The following ADAMTS19 variants were observed in gnomAD, a reference collection of about 807,000 sequenced individuals.
ADAMTS19 encodes ADAM metallopeptidase with thrombospondin type 1 motif 19, also known as A disintegrin and metalloproteinase with thrombospondin motifs 19.
In ADAMTS19, 93 loss-of-function variants were observed where a neutral mutation model predicts 153.3. The ratio of observed to expected loss-of-function variants is 0.61; its 90% confidence interval spans 0.51 to 0.72. The LOEUF is 0.72. Among genes scored for constraint, ADAMTS19 ranks in the 30% least tolerant of loss-of-function variants. The pLI is 0.00. For synonymous variants in ADAMTS19, 600 were observed against 556.6 expected (o/e 1.08, Z -1.10); for missense variants, 1,482 against 1,552.1 (o/e 0.95, Z 0.76).
chr5:129,514,564 C>A (rs1408909784), intron 3 of ADAMTS19, among the ~76,000 whole-genome samples: 1 of 151,716 alleles, frequency 6.6e-6, no homozygotes, highest in Admixed American at 6.6e-5. Flanking sequence ...TTTTCATGTG[C>A]CTATTTGCCA....
At chr5:129,706,103 G>C (rs959870088) in intron 21 of ADAMTS19, among the ~76,000 whole-genome samples, 2 of 152,166 alleles carry the variant, frequency 1.3e-5, no homozygotes, top group African/African-American at 4.8e-5. Flanking sequence ...CTAGCAGCAA[G>C]AGGGCAGGGA....
chr5:129,658,377 G>GAGAGAGAGAGAGAGAGAGAGAGAAA (rs1318590344), intron 14 of ADAMTS19, among the ~76,000 whole-genome samples: 1 of 148,214 alleles, frequency 6.7e-6, no homozygotes, highest in African/African-American at 2.6e-5. Flanking sequence ...AAGAGAGAGA[G>GAGAGAGAGAGAGAGAGAGAGAGAAA]GAAGGAAGGA....
At chr5:129,727,277 A>C (rs1757246028) in intron 21 of ADAMTS19, among the ~76,000 whole-genome samples, 1 of 152,184 alleles carries the variant, frequency 6.6e-6, no homozygotes, top group African/African-American at 2.4e-5. Context: ...AAAAATTATT[A>C]TCAGCAACTT....
chr5:129,507,244 A>G (rs1197539291), intron 2 of ADAMTS19, among the ~76,000 whole-genome samples: 1 of 152,012 alleles, frequency 6.6e-6, no homozygotes. Context: ...TTGAAAACTT[A>G]ATGACTCTCA....
At chr5:129,460,790 C>CAT (rs1479010139) in intron 1 of ADAMTS19, 2 of 519,472 alleles carry the variant, frequency 3.9e-6, no homozygotes, top group Non-Finnish European at 6.8e-6. Flanking sequence ...TCTGCTCTAG[C>CAT]ATACACTTCA....
intron 7 of ADAMTS19, among the ~76,000 whole-genome samples, chr5:129,587,364 T>G (rs1749866181): frequency 6.6e-6 from 1 of 152,076 alleles, no homozygotes; most frequent in African/African-American, 2.4e-5. Context: ...ATCTGCTAAC[T>G]GCTATATTTG....
chr5:129,540,146 C>T (rs1386969245), intron 6 of ADAMTS19, among the ~76,000 whole-genome samples: 2 of 151,996 alleles, frequency 1.3e-5, no homozygotes, highest in Non-Finnish European at 2.9e-5. Context: ...AACTCAGAAC[C>T]AGGCTCAGTT....
intron 2 of ADAMTS19, among the ~76,000 whole-genome samples, chr5:129,500,012 G>A (rs1006354783): frequency 2.6e-5 from 4 of 152,136 alleles, no homozygotes; most frequent in South Asian, 4.1e-4. Context: ...GCCCCTCCTA[G>A]TTTTATCTCT....
intron 2 of ADAMTS19, among the ~76,000 whole-genome samples, chr5:129,492,147 A>G (rs555004295): frequency 6.6e-6 from 1 of 152,326 alleles, no homozygotes; most frequent in South Asian, 2.1e-4. Flanking sequence ...GAAGGGCAGC[A>G]TGCATCTCAC....
At chr5:129,727,639 A>T (rs1473533686) in intron 21 of ADAMTS19, among the ~76,000 whole-genome samples, 1 of 152,178 alleles carries the variant, frequency 6.6e-6, no homozygotes, top group Non-Finnish European at 1.5e-5. Flanking sequence ...AAAACCGTAG[A>T]CAGTAGACAG....
At chr5:129,517,565 G>T (rs553837639) in intron 3 of ADAMTS19, among the ~76,000 whole-genome samples, 1 of 151,732 alleles carries the variant, frequency 6.6e-6, no homozygotes, top group Admixed American at 6.6e-5. Context: ...TACAGTTTTT[G>T]TCTTGAAATC....
intron 21 of ADAMTS19, among the ~76,000 whole-genome samples, chr5:129,718,136 AT>A (rs955284075): frequency 3.9e-5 from 6 of 152,096 alleles, no homozygotes; most frequent in Non-Finnish European, 5.9e-5. Flanking sequence ...TGCAAACATC[AT>A]TTTTTTCTTC....
chr5:129,499,977 A>C (rs1435475543), intron 2 of ADAMTS19, among the ~76,000 whole-genome samples: 1 of 152,122 alleles, frequency 6.6e-6, no homozygotes, highest in Non-Finnish European at 1.5e-5. Flanking sequence ...AATAAGACTC[A>C]AGGGTCATAA....
chr5:129,492,424 A>C (rs1407827137), intron 2 of ADAMTS19, among the ~76,000 whole-genome samples: 1 of 152,110 alleles, frequency 6.6e-6, no homozygotes, highest in Non-Finnish European at 1.5e-5. Flanking sequence ...CTGGTGGTCA[A>C]AGAGATTATT....
At chr5:129,579,436 A>G (rs1031582716) in intron 7 of ADAMTS19, among the ~76,000 whole-genome samples, 1 of 152,144 alleles carries the variant, frequency 6.6e-6, no homozygotes, top group African/African-American at 2.4e-5. Context: ...GAAGCTCTTT[A>G]GATTAATTAG....
chr5:129,687,473 C>A (rs1220515672), intron 18 of ADAMTS19, among the ~76,000 whole-genome samples: 2 of 152,138 alleles, frequency 1.3e-5, no homozygotes, highest in Non-Finnish European at 2.9e-5. Context: ...TGTCTAGGAT[C>A]AACATTCTTC....
intron 3 of ADAMTS19, among the ~76,000 whole-genome samples, chr5:129,516,343 AT>A (rs1429484980): frequency 2.9e-5 from 4 of 139,190 alleles, no homozygotes; most frequent in Non-Finnish European, 3.1e-5. Context: ...CCCTCCTCTT[AT>A]ATATTTTTTG....
Position 129,716,685 on chromosome 5 carries a change from C to T in ADAMTS19, c.3312+12294C>T, listed in dbSNP as rs148721769. Among the ~76,000 whole-genome samples the T allele has an allele frequency of 7.8e-3, 1,185 of 151,554 alleles. 9 individuals are homozygous for T. The highest frequency in any genetic ancestry group is 0.012 in the Non-Finnish European group (828 of 67,944). ...CACAAGTAGGGTTTTGCCTCAGTTG[C>T]TCTTAATTCCCAATATAATACCACA... is the stretch of plus-strand genomic sequence containing the variant. On this transcript the variant is annotated intron_variant, in intron 21 of 22. Coordinates refer to ENST00000274487, the MANE Select transcript of ADAMTS19 (RefSeq NM_133638.6).
intron 7 of ADAMTS19, among the ~76,000 whole-genome samples, chr5:129,562,327 A>G (rs75602538): frequency 0.024 from 3,625 of 152,312 alleles, 118 homozygotes; most frequent in African/African-American, 0.078. Flanking sequence ...TTACTGCTAC[A>G]TCTGGAAATT....
Sources: allele counts gnomAD v4.1 joint callset (sites outside exome capture counted in the v4.1 genomes callset), GRCh38; gene constraint gnomAD v4.1.1; transcripts MANE v1.5; gene names NCBI Gene and HGNC (gene_info 2026-07-23, HGNC 2026-07-21).